Variants in WDR7 observed in about 807,000 individuals in gnomAD.
WDR7 encodes WD repeat domain 7.
WDR7 carries 46 observed loss-of-function variants against 169.4 expected under a neutral mutation model. The ratio of observed to expected loss-of-function variants is 0.27; its 90% CI spans 0.21 to 0.35. WDR7 has a LOEUF of 0.35. WDR7 is among the 10% of genes least tolerant of loss of function. WDR7 has a pLI of 1.00. For missense variants in WDR7, 1,534 were observed against 1,859.3 expected, an observed-to-expected ratio of 0.83 and a Z score of 3.22; for synonymous variants, 612 against 666.8, an observed-to-expected ratio of 0.92 and a Z score of 1.27.
intron 12 of WDR7, among the ~76,000 whole-genome samples, chr18:56,711,917 T>C (rs905509118): frequency 3.3e-5 from 5 of 152,094 alleles, no homozygotes; most frequent in African/African-American, 1.2e-4. Context: ...AATAGTGGGA[T>C]TGATTTATGA....
At chr18:56,669,160 G>T (rs1472061016) in intron 1 of WDR7, among the ~76,000 whole-genome samples, 1 of 152,050 alleles carries the variant, frequency 6.6e-6, no homozygotes, top group African/African-American at 2.4e-5. Context: ...TGCTCTTGTT[G>T]ACTGGAGTAT....
intron 13 of WDR7, among the ~76,000 whole-genome samples, chr18:56,728,522 C>G (rs2026510649): frequency 6.6e-6 from 1 of 152,188 alleles, no homozygotes; most frequent in African/African-American, 2.4e-5. Flanking sequence ...TACCCTGTGA[C>G]TGATGTCCTC....
At chr18:56,663,317 G>A (rs1488412064) in intron 1 of WDR7, among the ~76,000 whole-genome samples, 3 of 138,976 alleles carry the variant, frequency 2.2e-5, no homozygotes, top group Admixed American at 1.6e-4. Flanking sequence ...TGAGTATTTT[G>A]TTTACAGGTC....
chr18:56,937,119 T>G (rs2046971073), intron 23 of WDR7, among the ~76,000 whole-genome samples: 1 of 152,200 alleles, frequency 6.6e-6, no homozygotes, highest in African/African-American at 2.4e-5. Context: ...CATTTACATA[T>G]GAGTATTTTT....
intron 16 of WDR7, among the ~76,000 whole-genome samples, chr18:56,766,220 G>A (rs1316730209): frequency 6.6e-6 from 1 of 152,024 alleles, no homozygotes; most frequent in African/African-American, 2.4e-5. Context: ...CTGGTTTTGA[G>A]CAGTTTGATT....
At chr18:57,022,878 C>G (rs2048310559) in intron 27 of WDR7, among the ~76,000 whole-genome samples, 2 of 152,256 alleles carry the variant, frequency 1.3e-5, no homozygotes, top group South Asian at 4.1e-4. Context: ...GCACTCACAT[C>G]TGTGTGCCTG....
chr18:56,892,021 A>C (rs1410656129), intron 21 of WDR7, among the ~76,000 whole-genome samples: 1 of 152,104 alleles, frequency 6.6e-6, no homozygotes, highest in Non-Finnish European at 1.5e-5. Context: ...TTTAACTGCG[A>C]TCTGACACTT....
At chr18:56,886,084 G>T (rs2046188346) in intron 21 of WDR7, among the ~76,000 whole-genome samples, 1 of 152,100 alleles carries the variant, frequency 6.6e-6, no homozygotes. Flanking sequence ...GAAAACATTT[G>T]CACCCTTGCT....
chr18:56,846,273 G>C (rs1274271104), intron 20 of WDR7, among the ~76,000 whole-genome samples: 1 of 152,038 alleles, frequency 6.6e-6, no homozygotes, highest in Non-Finnish European at 1.5e-5. Flanking sequence ...TGGTGGTATG[G>C]TTTGGCTGTG....
At chr18:56,697,820 T>A (rs1427447258) in intron 12 of WDR7, among the ~76,000 whole-genome samples, 4 of 152,122 alleles carry the variant, frequency 2.6e-5, no homozygotes, top group Admixed American at 6.5e-5. Context: ...TGTGTGTGTG[T>A]GAGAGAATAA....
intron 13 of WDR7, 71 bp from the exon 14 acceptor site, chr18:56,731,312 T>C (rs1224997744): frequency 6.6e-7 from 1 of 1,510,352 alleles, no homozygotes; most frequent in Non-Finnish European, 8.9e-7. Flanking sequence ...TTTCATACCA[T>C]TTTTTCTTTA....
chr18:56,853,005 A>G (rs2045665299), intron 20 of WDR7, among the ~76,000 whole-genome samples: 1 of 152,140 alleles, frequency 6.6e-6, no homozygotes, highest in South Asian at 2.1e-4. Context: ...TCATTAGTAA[A>G]CTTGAAAACA....
chr18:56,758,999 A>G (rs909087387), intron 16 of WDR7, 46 bp downstream of exon 16: 3 of 1,500,542 alleles, frequency 2.0e-6, no homozygotes, highest in Non-Finnish European at 2.8e-6. Flanking sequence ...TTTCAGCTCT[A>G]GAAACTGAGG....
intron 16 of WDR7, among the ~76,000 whole-genome samples, chr18:56,766,558 T>A (rs2044070596): frequency 6.6e-6 from 1 of 152,146 alleles, no homozygotes. Context: ...AAAATTTATT[T>A]TTATTTTTTT....
Position 56,886,763 on chromosome 18 carries a change from G to T in WDR7, c.3526+6598G>T, listed in dbSNP as rs573314126. On this transcript the variant is annotated intron_variant, in intron 21 of 27. Coordinates refer to ENST00000254442, the MANE Select transcript of WDR7 (RefSeq NM_015285.3). ...CACATAAGGACTCATGTAAACTTAA[G>T]CTAAAGCGGATATCTTTTTCTACAA... 3.3e-5 allele frequency among the ~76,000 whole-genome samples: 5 copies of T among 152,258 alleles called. No homozygotes were observed. In the East Asian group the frequency reaches 9.7e-4, roughly 29 times the overall value.
At chr18:56,940,392 CTCTT>C (rs1599176059) in intron 25 of WDR7, among the ~76,000 whole-genome samples, 1 of 152,110 alleles carries the variant, frequency 6.6e-6, no homozygotes. Flanking sequence ...TGTATCCTAT[CTCTT>C]TATTTTGCAG....
intron 19 of WDR7, among the ~76,000 whole-genome samples, chr18:56,792,457 TAAC>T (rs1293706046): frequency 6.6e-6 from 1 of 152,202 alleles, no homozygotes. Flanking sequence ...GCACTAATCT[TAAC>T]TACATCATAG....
chr18:56,818,961 T>C (rs1431393466), intron 20 of WDR7, among the ~76,000 whole-genome samples: 4 of 152,230 alleles, frequency 2.6e-5, no homozygotes, highest in Non-Finnish European at 5.9e-5. Flanking sequence ...TTGAAAGCTA[T>C]AGTTAGGCTA....
intron 14 of WDR7, among the ~76,000 whole-genome samples, chr18:56,742,840 C>G (rs1013361138): frequency 1.3e-5 from 2 of 152,080 alleles, no homozygotes; most frequent in African/African-American, 4.8e-5. Flanking sequence ...GCAGGAAATA[C>G]CACGTGCGGG....
Sources: allele counts gnomAD v4.1 joint callset (sites outside exome capture counted in the v4.1 genomes callset), GRCh38; gene constraint gnomAD v4.1.1; transcripts MANE v1.5; gene names NCBI Gene and HGNC (gene_info 2026-07-23, HGNC 2026-07-21).